Variants in MCF2L observed in about 807,000 individuals in gnomAD.
The protein encoded by MCF2L is guanine nucleotide exchange factor DBS.
A neutral mutation model predicts 153.4 loss-of-function variants in MCF2L; 97 were observed. The ratio of observed to expected loss-of-function variants is 0.63; its 90% CI spans 0.54 to 0.75. The LOEUF (loss-of-function observed/expected upper bound fraction) is 0.75, where lower values mean the gene tolerates loss of function less well. Among genes scored for constraint, MCF2L ranks in the 30% least tolerant of loss-of-function variants. The pLI is 0.00. For missense variants in MCF2L, 1,347 were observed against 1,495.2 expected (o/e 0.90, Z 1.64); for synonymous variants, 659 against 632.2 (o/e 1.04, Z -0.64).
intron 2 of MCF2L, among the ~76,000 whole-genome samples, chr13:112,953,279 C>T (rs1026402766): frequency 6.6e-6 from 1 of 152,164 alleles, no homozygotes; most frequent in African/African-American, 2.4e-5. Context: ...TCAGCCTTGG[C>T]GTCCTCCTCC....
At chr13:113,082,179 G>A (rs1380380865) in intron 16 of MCF2L, among the ~76,000 whole-genome samples, 1 of 152,232 alleles carries the variant, frequency 6.6e-6, no homozygotes, top group African/African-American at 2.4e-5. Flanking sequence ...TGTGCCCTCT[G>A]TTTCAGTTAC....
At chr13:113,055,384 A>G (rs55907054) in intron 4 of MCF2L, among the ~76,000 whole-genome samples, 1,194 of 4,012 alleles carry the variant, frequency 0.3, 396 homozygotes, top group Middle Eastern at 0.62. Context: ...CCCCCCCGCC[A>G]CACACACACA....
intron 1 of MCF2L, among the ~76,000 whole-genome samples, chr13:112,996,320 G>GA (rs539786083): frequency 4.0e-4 from 61 of 152,200 alleles, no homozygotes; most frequent in Middle Eastern, 3.4e-3. Context: ...GCCTTGGCTA[G>GA]AAAAAATAAA....
Position 112,932,496 on chromosome 13 carries a change from TTAATAA to T in MCF2L, c.169+30130_169+30135del, listed in dbSNP as rs1441709655. Among the ~76,000 whole-genome samples, 1 of 152,148 alleles carries T rather than the reference TTAATAA, an allele frequency of 6.6e-6. No individual in the cohort carries two copies. Among genetic ancestry groups the T allele is most frequent in the Non-Finnish European group, 1.5e-5 (1 of 68,024 alleles). On this transcript the variant is annotated intron_variant, in intron 2 of 29. Transcript: ENST00000375608. This position sits in a 1 kb window ranked among gnomAD's most constrained non-coding sequence, Gnocchi z 4.6. ...GGAAACCTGAATAAACTGTGCATAG[TTAATAA>T]TAATGTACCAATATTGGCTCATTAA...
intron 3 of MCF2L, among the ~76,000 whole-genome samples, chr13:113,033,373 C>T (rs201709760): frequency 0.01 from 1,116 of 108,046 alleles, 249 homozygotes; most frequent in East Asian, 0.045. Context: ...GAGTGGCCCC[C>T]GTGACGTGAG....
intron 2 of MCF2L, among the ~76,000 whole-genome samples, chr13:112,953,466 C>G (rs564869124): frequency 1.3e-5 from 2 of 152,208 alleles, no homozygotes; most frequent in South Asian, 2.1e-4. Context: ...ACAAGCTAAC[C>G]GGTATGCACG....
intron 9 of MCF2L, among the ~76,000 whole-genome samples, chr13:113,071,549 G>C (rs1426360993): frequency 6.6e-6 from 1 of 152,086 alleles, no homozygotes; most frequent in Non-Finnish European, 1.5e-5. Flanking sequence ...GCTAATTTTT[G>C]TATAAGGTAT....
At chr13:113,044,373 C>T in intron 3 of MCF2L, 1 of 361,542 alleles carries the variant, frequency 2.8e-6, no homozygotes, top group Non-Finnish European at 5.4e-6. Context: ...TCTGAGACAC[C>T]CGATATAAAT....
chr13:113,031,174 TGACAGACAGAGACAGAGA>T lies in MCF2L; in HGVS notation c.278+6423_278+6440del, dbSNP rs1404340560. Among the ~76,000 whole-genome samples, 2 of 98,414 alleles carry T rather than the reference TGACAGACAGAGACAGAGA, an allele frequency of 2.0e-5. No homozygotes were observed. The highest frequency in any genetic ancestry group is 1.8e-4 in the Admixed American group (2 of 10,826). The allele number at this position is 98,414 out of a possible 152,430, so 64.6% of individuals were successfully genotyped here. A position where few individuals can be genotyped will look rare whatever the true frequency, so the allele number is the denominator to read the frequency against. ...AGAGACAGAGAGAAGAGACAGAGAG[TGACAGACAGAGACAGAGA>T]GACAGAGACAGACAGAGACAGAGAC... On this transcript the variant is annotated intron_variant, in intron 3 of 29. Coordinates refer to ENST00000535094, the MANE Select transcript of MCF2L (RefSeq NM_001112732.3). The surrounding 1 kb of genome is among the most constrained non-coding windows in gnomAD (Gnocchi z 5.5).
intron 2 of MCF2L, 58 bp downstream of exon 2, chr13:113,014,904 C>T: frequency 6.6e-7 from 1 of 1,520,704 alleles, no homozygotes; most frequent in South Asian, 1.1e-5. Flanking sequence ...CGGGTGTGGG[C>T]CGAGCAGCCC....
Position 113,096,377 on chromosome 13 carries a change from G to A in MCF2L, c.3082G>A (p.Gly1028Ser). Reference sequence around the variant, plus strand: ...CCTGCCCGTCTCCCACCAGGTTCCAGGTAAATACACGGTCGTGGCGGACCA... The same window carrying A: ...CCTGCCCGTCTCCCACCAGGTTCCAAGTAAATACACGGTCGTGGCGGACCA... Reference protein sequence around the residue: ...GGLGPKKLVPGKYTVVADHEK... With the variant: ...GGLGPKKLVPSKYTVVADHEK... The change falls in exon 28 of 30, where the codon GGT (glycine) becomes AGT (serine). Residue 1028 changes from glycine to serine, a missense_variant. Gly to Ser is a moderately conservative substitution (Grantham distance 56). Coordinates refer to ENST00000535094, the MANE Select transcript of MCF2L (RefSeq NM_001112732.3). 1 of 1,577,940 alleles carries A rather than the reference G, an allele frequency of 6.3e-7. No individual in the cohort carries two copies. Among genetic ancestry groups the A allele is most frequent in the Non-Finnish European group, 8.6e-7 (1 of 1,162,962 alleles).
At chr13:112,953,047 C>T (rs1395821585) in intron 2 of MCF2L, among the ~76,000 whole-genome samples, 1 of 152,202 alleles carries the variant, frequency 6.6e-6, no homozygotes, top group African/African-American at 2.4e-5. Flanking sequence ...CTGGGTGATC[C>T]TCTGTCCTGT....
At position 112,948,925 on chromosome 13, in the gene MCF2L, G is replaced by T. The variant is rs377461689; in HGVS notation, c.169+46554G>T. The stretch of plus-strand genomic sequence containing the variant: ...TACTAAAAATACAAAAATTAGCCAG[G>T]CGTGGTGGCATGCACCTGTAGTCCC... On this transcript the variant is annotated intron_variant, in intron 2 of 29. Coordinates refer to the MCF2L transcript ENST00000375608. 3.0e-3 allele frequency among the ~76,000 whole-genome samples: 456 copies of T among 152,284 alleles called. 2 individuals are homozygous for T. In the South Asian group the frequency reaches 0.031, roughly 10 times the overall value.
At chr13:113,059,534 G>A (rs1271912711) in intron 4 of MCF2L, among the ~76,000 whole-genome samples, 1 of 152,124 alleles carries the variant, frequency 6.6e-6, no homozygotes, top group Non-Finnish European at 1.5e-5. Flanking sequence ...TCTTTTTTTG[G>A]TGATGGGGTC....
chr13:112,941,420 T>C lies in MCF2L; in HGVS notation c.169+39049T>C, dbSNP rs1343654343. The stretch of plus-strand genomic sequence containing the variant: ...TATTTGAAATAAAATTCCTTGTACA[T>C]TTCCTTTAGGTGTAAAAGGAAAATA... On this transcript the variant is annotated intron_variant, in intron 2 of 29. Transcript: ENST00000375608. This position sits in a 1 kb window ranked among gnomAD's most constrained non-coding sequence, Gnocchi z 4.9. Among the ~76,000 whole-genome samples, 2 of 151,324 alleles carry C rather than the reference T, an allele frequency of 1.3e-5. No individual in the cohort carries two copies. The highest frequency in any genetic ancestry group is 4.8e-5 in the African/African-American group (2 of 41,328).
chr13:113,015,673 A>T (rs1287277469), intron 2 of MCF2L, among the ~76,000 whole-genome samples: 2 of 152,176 alleles, frequency 1.3e-5, no homozygotes, highest in East Asian at 3.9e-4. Flanking sequence ...AGGGAGGCTG[A>T]CTGCGAGGTG....
At chr13:113,058,254 C>T (rs1270398635) in intron 4 of MCF2L, among the ~76,000 whole-genome samples, 12 of 122,058 alleles carry the variant, frequency 9.8e-5, no homozygotes, top group Middle Eastern at 7.7e-3. Context: ...AGTGTGTGGG[C>T]GCTGAGTGGG....
At chr13:112,946,285 T>TAA (rs34257159) in intron 2 of MCF2L, among the ~76,000 whole-genome samples, 3 of 145,812 alleles carry the variant, frequency 2.1e-5, no homozygotes, top group Non-Finnish European at 3.0e-5. Flanking sequence ...CCCTTTCTGA[T>TAA]AAAAAAAAAA....
chr13:112,930,610 C>A (rs1403098246), intron 2 of MCF2L, among the ~76,000 whole-genome samples: 1 of 152,148 alleles, frequency 6.6e-6, no homozygotes, highest in Non-Finnish European at 1.5e-5. Flanking sequence ...TTTGTCAAAA[C>A]CCATACAGAT....
Sources: allele counts gnomAD v4.1 joint callset (sites outside exome capture counted in the v4.1 genomes callset), GRCh38; gene constraint gnomAD v4.1.1; non-coding constraint Gnocchi (gnomAD v3.1); transcripts MANE v1.5; gene names NCBI Gene and HGNC (gene_info 2026-07-23, HGNC 2026-07-21).